Variants in CASZ1 observed in about 807,000 individuals in gnomAD.
CASZ1 encodes the protein zinc finger protein castor homolog 1.
Under a neutral mutation model 135.2 loss-of-function variants are expected in CASZ1, and 28 were observed. The observed-to-expected ratio is 0.21, with a 90% confidence interval of 0.15 to 0.28. CASZ1 has a LOEUF of 0.28. CASZ1 is among the 10% of genes least tolerant of loss of function. CASZ1 has a pLI of 1.00. For synonymous variants in CASZ1, 1,068 were observed against 1,073.4 expected (o/e 0.99, Z 0.10); for missense variants, 2,161 against 2,453.3 (o/e 0.88, Z 2.52).
At chr1:10,713,015 C>CCCTCAAGCTCCTGCCT (rs1553135193) in intron 2 of CASZ1, among the ~76,000 whole-genome samples, 1 of 152,232 alleles carries the variant, frequency 6.6e-6, no homozygotes, top group African/African-American at 2.4e-5. Flanking sequence ...TGGGGCAGCC[C>CCCTCAAGCTCCTGCCT]CCTCAAGCTC....
intron 1 of CASZ1, among the ~76,000 whole-genome samples, chr1:10,779,983 C>A (rs1484913920): frequency 6.6e-6 from 1 of 152,142 alleles, no homozygotes; most frequent in Non-Finnish European, 1.5e-5. Flanking sequence ...GGGGCAGAGG[C>A]TCCACCAACA....
At chr1:10,723,944 C>G (rs1639550805) in intron 2 of CASZ1, among the ~76,000 whole-genome samples, 1 of 152,146 alleles carries the variant, frequency 6.6e-6, no homozygotes, top group South Asian at 2.1e-4. Flanking sequence ...GGGGTTCTTC[C>G]CGAGTCCAAA....
intron 2 of CASZ1, among the ~76,000 whole-genome samples, chr1:10,714,307 C>CAAAGAAAG (rs529676191): frequency 6.6e-6 from 1 of 151,006 alleles, no homozygotes; most frequent in African/African-American, 2.4e-5. Context: ...GACTCCATCT[C>CAAAGAAAG]AAAGAAAGAA....
chr1:10,708,164 T>C (rs1390030350), intron 2 of CASZ1, among the ~76,000 whole-genome samples: 4 of 152,160 alleles, frequency 2.6e-5, no homozygotes, highest in Non-Finnish European at 5.9e-5. Context: ...CAGAACTGGG[T>C]CCTGGAGCTT....
At position 10,648,038 on chromosome 1, in the gene CASZ1, G is replaced by C; in HGVS notation, c.3260C>G (p.Pro1087Arg). The C allele has an allele frequency of 6.2e-7, 1 of 1,601,376 alleles. No homozygotes were observed. Among genetic ancestry groups the C allele is most frequent in the Non-Finnish European group, 8.5e-7 (1 of 1,174,060 alleles). Residue 1087 changes from proline (P) to arginine (R), a missense_variant, in exon 16 of 21, where the codon CCT becomes CGT. Coordinates refer to ENST00000377022, the MANE Select transcript of CASZ1 (RefSeq NM_001079843.3). ...ETKPPMAPSS[P>R]PVPPVTTATV... ...GGCCGTGGTGACAGGAGGGACCGGA[G>C]GGGACGAGGGGGCCATGGGAGGTTT...
chr1:10,695,845 G>A (rs1346319729), intron 3 of CASZ1, among the ~76,000 whole-genome samples: 1 of 152,160 alleles, frequency 6.6e-6, no homozygotes, highest in Non-Finnish European at 1.5e-5. Flanking sequence ...GGGCCTCAAG[G>A]AAAGAGACGG....
chr1:10,719,395 G>A lies in CASZ1; in HGVS notation c.-76-13851C>T, dbSNP rs1022236798. On this transcript the variant is annotated intron_variant, in intron 2 of 20. Coordinates refer to ENST00000377022, the MANE Select transcript of CASZ1 (RefSeq NM_001079843.3). The surrounding 1 kb of genome is among the most constrained non-coding windows in gnomAD (Gnocchi z 4.0). ...ACCTGAAAAGCTGCAACCTGCCCAC[G>A]AACTGTGGAGAATGGTAGCCCAAGA... is the stretch of plus-strand genomic sequence containing the variant. 6.6e-6 allele frequency among the ~76,000 whole-genome samples: 1 copy of A among 152,160 alleles called. No homozygotes were observed. The highest frequency in any genetic ancestry group is 2.4e-5 in the African/African-American group (1 of 41,432).
intron 3 of CASZ1, among the ~76,000 whole-genome samples, chr1:10,703,682 C>A (rs527680791): frequency 1.3e-5 from 2 of 152,218 alleles, no homozygotes; most frequent in Non-Finnish European, 2.9e-5. Context: ...GACTCCGAGG[C>A]CCCCTAAAGT....
intron 2 of CASZ1, among the ~76,000 whole-genome samples, chr1:10,718,863 T>TTTTTC (rs531459943): frequency 1.3e-5 from 2 of 152,188 alleles, no homozygotes; most frequent in African/African-American, 4.8e-5. Context: ...TGCCTCTTTC[T>TTTTTC]TTTTCTTTTC....
intron 1 of CASZ1, among the ~76,000 whole-genome samples, chr1:10,761,877 C>A (rs1640382779): frequency 6.6e-6 from 1 of 152,206 alleles, no homozygotes; most frequent in South Asian, 2.1e-4. Context: ...GCCCACCCTG[C>A]CTGCGGAGCT....
At chr1:10,655,884 G>T in intron 8 of CASZ1, 71 bp from the exon 9 acceptor site, 1 of 1,511,126 alleles carries the variant, frequency 6.6e-7, no homozygotes, top group Non-Finnish European at 9.1e-7. Context: ...TATGCCAAGA[G>T]CACCTGGGCC....
At chr1:10,781,332 C>T (rs1640759150) in intron 1 of CASZ1, among the ~76,000 whole-genome samples, 1 of 152,232 alleles carries the variant, frequency 6.6e-6, no homozygotes, top group African/African-American at 2.4e-5. Context: ...GGAACAGGTG[C>T]CAGGCTGCAA....
Position 10,726,760 on chromosome 1 carries a change from T to TG in CASZ1, c.-76-21217dup, listed in dbSNP as rs1291344106. 6.6e-6 allele frequency among the ~76,000 whole-genome samples: 1 copy of TG among 152,114 alleles called. No individual in the cohort carries two copies. The highest frequency in any genetic ancestry group is 2.1e-4 in the South Asian group (1 of 4,824). On this transcript the variant is annotated intron_variant, in intron 2 of 20. Coordinates refer to ENST00000377022, the MANE Select transcript of CASZ1 (RefSeq NM_001079843.3). This position sits in a 1 kb window ranked among gnomAD's most constrained non-coding sequence, Gnocchi z 5.7. ...GCCCAGCCAAGGCCGCTCTGGTCCCTGGGGGGTCCTTGCTGCAGCAATCAC... is the reference window on the plus strand; with the variant it reads ...GCCCAGCCAAGGCCGCTCTGGTCCCTGGGGGGGTCCTTGCTGCAGCAATCAC...
rs560380340 is a variant in CASZ1 at position 10,641,467 on chromosome 1, G to A, written c.4162+1392C>T. On this transcript the variant is annotated intron_variant, in intron 20 of 20. Coordinates refer to ENST00000377022, the MANE Select transcript of CASZ1 (RefSeq NM_001079843.3). ...GGGCGGGCAGATGCCATCCCGGTGG[G>A]TATCAGATATGGGGGTGGGATGGGA... 1.2e-4 allele frequency among the ~76,000 whole-genome samples: 18 copies of A among 152,248 alleles called. No homozygotes were observed. The East Asian group carries it at 3.1e-3, about 26-fold the overall frequency.
intron 20 of CASZ1, among the ~76,000 whole-genome samples, chr1:10,641,025 C>T (rs970579836): frequency 1.3e-5 from 2 of 152,242 alleles, no homozygotes; most frequent in Non-Finnish European, 2.9e-5. Context: ...GCGTGGGTAG[C>T]CTCTGGGCTC....
At position 10,639,902 on chromosome 1, in the gene CASZ1, G is replaced by A. The variant is rs1296439689; in HGVS notation, c.4320C>T (p.Tyr1440=). 2 of 1,612,738 alleles carry A rather than the reference G, an allele frequency of 1.2e-6. No homozygotes were observed. The highest frequency in any genetic ancestry group is 2.2e-5 in the East Asian group (1 of 44,894). The stretch of plus-strand genomic sequence containing the variant: ...GACAAGCTGCGTCCTTGCAGTCCTC[G>A]TAAAGGTCGAAGCGCCGGAAGCCCT... The part of the protein sequence containing the change: ...MLEGFRRFDL[Y]EDCKDAACQF... The change falls in exon 21 of 21, where the codon TAC becomes TAT. Residue 1440 remains tyrosine (Y), a synonymous_variant. Coordinates refer to ENST00000377022, the MANE Select transcript of CASZ1 (RefSeq NM_001079843.3). This position sits in a 1 kb window ranked among gnomAD's most constrained non-coding sequence, Gnocchi z 4.0.
chr1:10,682,557 C>T (rs1011726833), intron 4 of CASZ1, among the ~76,000 whole-genome samples: 14 of 152,190 alleles, frequency 9.2e-5, no homozygotes, highest in African/African-American at 3.4e-4. Flanking sequence ...CACAAAATGT[C>T]AGGGTTTATA....
rs1641025224 is a variant in CASZ1 at position 10,794,457 on chromosome 1, G to T, written c.-234+2107C>A. 6.7e-6 allele frequency among the ~76,000 whole-genome samples: 1 copy of T among 148,312 alleles called. No individual in the cohort carries two copies. Among genetic ancestry groups the T allele is most frequent in the Non-Finnish European group, 1.5e-5 (1 of 67,772 alleles). On this transcript the variant is annotated intron_variant, in intron 1 of 20. Transcript: ENST00000377022. This position sits in a 1 kb window ranked among gnomAD's most constrained non-coding sequence, Gnocchi z 5.6. Reference sequence around the variant, plus strand: ...CGGTCAGAAACGCACACTCCGCCCCGTGGCCCAGTGATCCAGGTTTGGGGG... The same window carrying T: ...CGGTCAGAAACGCACACTCCGCCCCTTGGCCCAGTGATCCAGGTTTGGGGG...
At chr1:10,749,568 A>G (rs1470395772) in intron 2 of CASZ1, among the ~76,000 whole-genome samples, 2 of 152,038 alleles carry the variant, frequency 1.3e-5, no homozygotes, top group Non-Finnish European at 2.9e-5. Context: ...TTATGCTGCA[A>G]ACTTCAAGAC....
Sources: gnomAD v4.1 joint callset for allele counts (sites outside exome capture counted in the v4.1 genomes callset) on GRCh38, gnomAD v4.1.1 for gene constraint, Gnocchi (gnomAD v3.1) non-coding constraint, MANE v1.5 for transcripts, NCBI Gene and HGNC (gene_info 2026-07-23, HGNC 2026-07-21) for gene names.